ADD2: variants seen among roughly 807,000 people sequenced by gnomAD.
ADD2 encodes the protein beta-adducin.
Under a neutral mutation model 83.0 loss-of-function variants are expected in ADD2, and 23 were observed. The ratio of observed to expected loss-of-function variants is 0.28; its 90% CI spans 0.20 to 0.39. The LOEUF (loss-of-function observed/expected upper bound fraction) is 0.39. Among genes scored for constraint, ADD2 ranks in the 10% least tolerant of loss-of-function variants. The pLI is 1.00. For missense variants in ADD2, 758 were observed against 944.9 expected (o/e 0.80, Z 2.59); for synonymous variants, 375 against 375.4 (o/e 1.00, Z 0.01).
In ADD2 at chr2:70,676,598, G is replaced by C; in HGVS notation, c.1593+198C>G. On this transcript the variant is annotated intron_variant, in intron 13 of 15. Coordinates refer to ENST00000264436, the MANE Select transcript of ADD2 (RefSeq NM_001617.4). This position sits in a 1 kb window ranked among gnomAD's most constrained non-coding sequence, Gnocchi z 4.8. ...GTTCTCCAGCCCAGTGCCCACAGGG[G>C]CCATCAGACATTGTCCTCCCTGGTC... 2 of 1,438,166 alleles carry C rather than the reference G, an allele frequency of 1.4e-6. No homozygotes were observed. Among genetic ancestry groups the C allele is most frequent in the South Asian group, 3.1e-5 (2 of 65,480 alleles). The allele number at this position is 1,438,166 out of a possible 1,614,324, so 89.1% of individuals were successfully genotyped here.
chr2:70,733,866 G>A (rs1673394898), intron 1 of ADD2, among the ~76,000 whole-genome samples: 1 of 152,142 alleles, frequency 6.6e-6, no homozygotes, highest in African/African-American at 2.4e-5. Flanking sequence ...ATAAAGAAAG[G>A]ATTGCCTTTC....
At chr2:70,695,163 T>C (rs1302979502) in intron 6 of ADD2, among the ~76,000 whole-genome samples, 3 of 152,170 alleles carry the variant, frequency 2.0e-5, no homozygotes, top group African/African-American at 7.2e-5. Context: ...CCGAGGTACA[T>C]GGCATAGCAG....
chr2:70,676,434 C>G lies in ADD2; in HGVS notation c.1593+362G>C. 8.2e-7 allele frequency: 1 copy of G among 1,224,326 alleles called. No individual in the cohort carries two copies. The highest frequency in any genetic ancestry group is 1.0e-6 in the Non-Finnish European group (1 of 977,646). The allele number at this position is 1,224,326 out of a possible 1,614,324, so 75.8% of individuals were successfully genotyped here. A position where few individuals can be genotyped will look rare whatever the true frequency, so the allele number is the denominator to read the frequency against. ...GGTCAGAGACTCTCAGGGCTGGGCA[C>G]ACCTGGGGCACCTGGGAGTCTCCAG... On this transcript the variant is annotated intron_variant, in intron 13 of 15. Transcript: ENST00000264436. The surrounding 1 kb of genome is among the most constrained non-coding windows in gnomAD (Gnocchi z 4.8).
At chr2:70,758,175 C>T (rs192286432) in intron 1 of ADD2, among the ~76,000 whole-genome samples, 338 of 152,272 alleles carry the variant, frequency 2.2e-3, no homozygotes, top group Non-Finnish European at 2.7e-3. Flanking sequence ...ATTGGTAATG[C>T]ATATTTTCAG....
intron 4 of ADD2, among the ~76,000 whole-genome samples, chr2:70,704,030 T>TG (rs1671749681): frequency 6.6e-6 from 1 of 152,134 alleles, no homozygotes; most frequent in South Asian, 2.1e-4. Context: ...GCCTGTCTAG[T>TG]GGGGCATGGA....
intron 15 of ADD2, among the ~76,000 whole-genome samples, chr2:70,670,171 G>A (rs1341479700): frequency 6.6e-6 from 1 of 152,200 alleles, no homozygotes; most frequent in Non-Finnish European, 1.5e-5. Flanking sequence ...CTAAAACTTA[G>A]TGGCTTAAAA....
rs12463562 is a variant in ADD2, at chr2:70,755,580, T to C, written c.-154+12306A>G. ...ATAGAAGGTGTTCAGTAAACACTTG[T>C]TGACTGACTGATGAGCTGGGTTGAA... On this transcript the variant is annotated intron_variant, in intron 1 of 15. Transcript: ENST00000264436. Among the ~76,000 whole-genome samples, 1,157 of 152,334 alleles carry C rather than the reference T, an allele frequency of 7.6e-3. 34 individuals carry two copies. The East Asian group carries it at 0.084, about 11-fold the overall frequency.
chr2:70,663,334 C>T lies in ADD2; in HGVS notation c.*91G>A, dbSNP rs1270512951. ...ATGTGGTCCAGGGTCCTACTCTATC[C>T]CTCCTTAGCCCTGTGCTTGCAGGGA... On this transcript the variant is annotated 3_prime_UTR_variant, in exon 16 of 16. Transcript: ENST00000264436. 36 of 1,399,416 alleles carry T rather than the reference C, an allele frequency of 2.6e-5. No homozygotes were observed. The highest frequency in any genetic ancestry group is 3.4e-5 in the Non-Finnish European group (35 of 1,022,086). The allele number at this position is 1,399,416 out of a possible 1,614,324, so 86.7% of individuals were successfully genotyped here.
Position 70,706,530 on chromosome 2 carries a change from G to T in ADD2, c.-34-88C>A. The stretch of plus-strand genomic sequence containing the variant: ...CAGAGCACAGGGCTAGGTTCAGTTG[G>T]ATTCTCAGTGGGGTACGGCTGTTCC... On this transcript the variant is annotated intron_variant, in intron 2 of 15. Coordinates refer to ENST00000264436, the MANE Select transcript of ADD2 (RefSeq NM_001617.4). The surrounding 1 kb of genome is among the most constrained non-coding windows in gnomAD (Gnocchi z 5.0). 3 of 1,197,738 alleles carry T rather than the reference G, an allele frequency of 2.5e-6. No homozygotes were observed. The highest frequency in any genetic ancestry group is 3.4e-6 in the Non-Finnish European group (3 of 869,642). The allele number at this position is 1,197,738 out of a possible 1,614,324, so 74.2% of individuals were successfully genotyped here.
rs7602113 is a variant in ADD2 at position 70,671,642 on chromosome 2, T to G, written c.1870+1236A>C. Reference sequence around the variant, plus strand: ...AATGGGAAGAGAAAGGAAGACATTGTGGAGACAGGTTGACAACACCACAGT... The same window carrying G: ...AATGGGAAGAGAAAGGAAGACATTGGGGAGACAGGTTGACAACACCACAGT... On this transcript the variant is annotated intron_variant, in intron 15 of 15. Coordinates refer to ENST00000264436, the MANE Select transcript of ADD2 (RefSeq NM_001617.4). 8.1e-3 allele frequency among the ~76,000 whole-genome samples: 1,226 copies of G among 152,284 alleles called. 19 individuals are homozygous for G. The highest frequency in any genetic ancestry group is 0.028 in the African/African-American group (1,178 of 41,564).
At position 70,726,186 on chromosome 2, in the gene ADD2, CAAAAAAAAAA is replaced by C. The variant is rs34333514; in HGVS notation, c.-153-13012_-153-13003del. On this transcript the variant is annotated intron_variant, in intron 1 of 15. Transcript: ENST00000264436. ...TGGGCGACAGAGCGAGACTCCATCT[CAAAAAAAAAA>C]AAAAAAAAAAAAAAAAGAATGTATT... 7.7e-4 allele frequency among the ~76,000 whole-genome samples: 35 copies of C among 45,490 alleles called. 1 individual carries two copies. Among genetic ancestry groups the C allele is most frequent in the Admixed American group, 2.0e-3 (6 of 2,952 alleles). 29.8% of individuals were successfully genotyped at this position (45,490 alleles called of 152,430 possible).
intron 1 of ADD2, among the ~76,000 whole-genome samples, chr2:70,744,703 G>A (rs1674091018): frequency 6.6e-6 from 1 of 152,144 alleles, no homozygotes; most frequent in Admixed American, 6.6e-5. Flanking sequence ...GCTTTAAATG[G>A]AGGATAGCAA....
intron 1 of ADD2, among the ~76,000 whole-genome samples, chr2:70,745,122 T>C (rs1397855776): frequency 6.6e-6 from 1 of 151,842 alleles, no homozygotes; most frequent in East Asian, 1.9e-4. Flanking sequence ...CCGTCTCTAC[T>C]AAAAATACAA....
intron 1 of ADD2, among the ~76,000 whole-genome samples, chr2:70,731,114 T>A (rs1240257796): frequency 6.6e-6 from 1 of 151,702 alleles, no homozygotes; most frequent in Non-Finnish European, 1.5e-5. Flanking sequence ...GAATATGGAG[T>A]GCTTAGGGGA....
intron 1 of ADD2, among the ~76,000 whole-genome samples, chr2:70,757,986 C>T (rs569793735): frequency 6.6e-6 from 1 of 152,284 alleles, no homozygotes; most frequent in Non-Finnish European, 1.5e-5. Context: ...AAACATTTAA[C>T]GACCCTTTCA....
rs377717831 is a variant in ADD2, at chr2:70,663,549, G to A, written c.2057C>T (p.Ser686Leu). ...DVDTSKDKTESVTSGPMSPEG... is the reference protein window; with the variant it reads ...DVDTSKDKTELVTSGPMSPEG... ...TGGGGACATGGGGCCGCTGGTGACC[G>A]ACTCGGTTTTGTCCTTAGAGGTATC... The change falls in exon 16 of 16, where the codon TCG becomes TTG. Residue 686 changes from serine to leucine, a missense_variant. Ser to Leu is a moderately radical substitution (Grantham distance 145, BLOSUM62 -2). Transcript: ENST00000264436. The A allele has an allele frequency of 7.7e-5, 125 of 1,614,150 alleles. 2 individuals carry two copies. In the South Asian group the frequency reaches 1.1e-3, roughly 14 times the overall value.
intron 15 of ADD2, among the ~76,000 whole-genome samples, chr2:70,667,456 A>G (rs1553366325): frequency 1.3e-5 from 2 of 152,208 alleles, no homozygotes; most frequent in Non-Finnish European, 2.9e-5. Flanking sequence ...TGCCTCTCCA[A>G]CTTGATTTCT....
At position 70,704,406 on chromosome 2, in the gene ADD2, G is replaced by T. The variant is rs368209000; in HGVS notation, c.237C>A (p.Asn79Lys). ...GLIQEQMKKG[N>K]NSSNIWALRQ... ...GCAGGGCCCAGATGTTGGAGGAGTT[G>T]TTCCCCTTCTTCATCTGCTCCTGGA... Residue 79 changes from asparagine (N) to lysine (K), a missense_variant, in exon 4 of 16, where the codon AAC (asparagine) becomes AAA (lysine). Asn to Lys is a moderately conservative substitution (Grantham distance 94, BLOSUM62 0). Transcript: ENST00000264436. The T allele has an allele frequency of 1.2e-6, 2 of 1,614,120 alleles. No homozygotes were observed. The highest frequency in any genetic ancestry group is 1.7e-6 in the Non-Finnish European group (2 of 1,180,018).
At chr2:70,665,551 A>G (rs1239810830) in intron 15 of ADD2, among the ~76,000 whole-genome samples, 1 of 151,800 alleles carries the variant, frequency 6.6e-6, no homozygotes, top group Non-Finnish European at 1.5e-5. Flanking sequence ...TCCTATTCCC[A>G]CTTCGCCTGC....
Sources: allele counts gnomAD v4.1 joint callset (sites outside exome capture counted in the v4.1 genomes callset), GRCh38; gene constraint gnomAD v4.1.1; non-coding constraint Gnocchi (gnomAD v3.1); transcripts MANE v1.5; gene names NCBI Gene and HGNC (gene_info 2026-07-23, HGNC 2026-07-21).